The following YME1L1 variants were observed in gnomAD, a reference collection of about 807,000 sequenced individuals.
YME1L1 encodes the protein YME1 like 1 ATPase.
A neutral mutation model predicts 90.4 loss-of-function variants in YME1L1; 39 were observed. The observed-to-expected ratio is 0.43, with a 90% CI of 0.33 to 0.56. YME1L1 has a LOEUF of 0.56. Ranked by LOEUF, YME1L1 falls within the 20% of genes least tolerant of loss-of-function variation. The pLI is 0.03. For missense variants in YME1L1, 617 were observed against 868.4 expected, an observed-to-expected ratio of 0.71 and a Z score of 3.64; for synonymous variants, 284 against 287.3, an observed-to-expected ratio of 0.99 and a Z score of 0.12.
rs569429387 is a variant in YME1L1, at chr10:27,144,372, A to G, written c.331+1056T>C. ...TTTTTATGCCCTTACACTGAAATAA[A>G]GGCAAAGGAAGGGTCAAGAATTAAT... On this transcript the variant is annotated intron_variant, in intron 3 of 18. Coordinates refer to ENST00000376016, the MANE Select transcript of YME1L1 (RefSeq NM_014263.4). Among the ~76,000 whole-genome samples the G allele has an allele frequency of 2.6e-5, 4 of 152,314 alleles. No individual in the cohort carries two copies. In the East Asian group the frequency reaches 7.7e-4, roughly 29 times the overall value.
At chr10:27,113,708 A>C (rs1342353486) in intron 18 of YME1L1, among the ~76,000 whole-genome samples, 1 of 151,284 alleles carries the variant, frequency 6.6e-6, no homozygotes, top group East Asian at 1.9e-4. Flanking sequence ...AAAACAAAAA[A>C]CTGAAATCAT....
chr10:27,133,520 A>G (rs1044474171), intron 7 of YME1L1, among the ~76,000 whole-genome samples: 3 of 152,224 alleles, frequency 2.0e-5, no homozygotes, highest in African/African-American at 7.2e-5. Flanking sequence ...TAGTAATTCT[A>G]GAATGAACAC....
In YME1L1 at chr10:27,154,141, G is replaced by C. The variant is rs780875498; in HGVS notation, c.33+37C>G. Reference sequence around the variant, plus strand: ...CAATTTGCAAACAGCCACGGGCAGGGCGGGAGGAAAAAAAATGGGCTGAAT... The same window carrying C: ...CAATTTGCAAACAGCCACGGGCAGGCCGGGAGGAAAAAAAATGGGCTGAAT... On this transcript the variant is annotated intron_variant, in intron 1 of 18. Transcript: ENST00000376016. 3.2e-6 allele frequency: 5 copies of C among 1,570,212 alleles called. No homozygotes were observed. The African/African-American group carries it at 5.4e-5, about 17-fold the overall frequency.
intron 9 of YME1L1, 25 bp from the exon 10 acceptor site, chr10:27,123,724 G>A (rs377501521): frequency 3.2e-6 from 5 of 1,565,010 alleles, no homozygotes; most frequent in Middle Eastern, 1.7e-4. Flanking sequence ...AAACGAGAAT[G>A]ATTCAAAGTA....
chr10:27,135,626 T>C (rs1419295097), intron 5 of YME1L1, among the ~76,000 whole-genome samples: 1 of 152,090 alleles, frequency 6.6e-6, no homozygotes, highest in African/African-American at 2.4e-5. Context: ...CAATCTTATA[T>C]AAGACTTCAA....
chr10:27,149,333 A>G (rs2057182259), intron 1 of YME1L1, among the ~76,000 whole-genome samples: 2 of 152,218 alleles, frequency 1.3e-5, no homozygotes, highest in Admixed American at 6.5e-5. Context: ...GTACTTGCAC[A>G]TGCATAGAGA....
At chr10:27,139,014 T>C (rs1006440635) in intron 4 of YME1L1, among the ~76,000 whole-genome samples, 6 of 152,170 alleles carry the variant, frequency 3.9e-5, no homozygotes, top group Non-Finnish European at 7.3e-5. Context: ...ATATGATAAA[T>C]TGACTTACTA....
chr10:27,134,550 A>C (rs1333252963), intron 6 of YME1L1, among the ~76,000 whole-genome samples: 1 of 152,262 alleles, frequency 6.6e-6, no homozygotes, highest in African/African-American at 2.4e-5. Context: ...ACTCTGGCTT[A>C]GGCAATGAAG....
chr10:27,147,366 A>G (rs3780926), intron 2 of YME1L1: 2 of 1,490,572 alleles, frequency 1.3e-6, no homozygotes, highest in African/African-American at 2.8e-5. Context: ...ACAAACAAAG[A>G]AACTAGACTG....
chr10:27,119,588 C>G (rs1053917971), intron 13 of YME1L1, 139 bp from the exon 14 acceptor site: 5 of 843,686 alleles, frequency 5.9e-6, no homozygotes, highest in Non-Finnish European at 6.9e-6. Context: ...GCAGGCAGAT[C>G]ACCTAAGGAC....
intron 4 of YME1L1, among the ~76,000 whole-genome samples, chr10:27,140,254 C>T (rs1173741504): frequency 6.6e-6 from 1 of 152,174 alleles, no homozygotes; most frequent in African/African-American, 2.4e-5. Context: ...ATCCACCTGA[C>T]TCAGCCTCCC....
At chr10:27,153,556 A>G (rs569876425) in intron 1 of YME1L1, among the ~76,000 whole-genome samples, 1 of 152,238 alleles carries the variant, frequency 6.6e-6, no homozygotes, top group Non-Finnish European at 1.5e-5. Flanking sequence ...AAACCCTTGA[A>G]ATCATTTTTC....
At chr10:27,140,146 T>A (rs1004837496) in intron 4 of YME1L1, among the ~76,000 whole-genome samples, 1 of 151,634 alleles carries the variant, frequency 6.6e-6, no homozygotes, top group Non-Finnish European at 1.5e-5. Flanking sequence ...ATTACAGGCA[T>A]GTGCCACCAC....
intron 3 of YME1L1, among the ~76,000 whole-genome samples, chr10:27,144,874 G>A (rs976136440): frequency 8.5e-5 from 13 of 152,178 alleles, no homozygotes; most frequent in African/African-American, 2.4e-4. Context: ...CTGCACGGTG[G>A]CTCACGCCTA....
chr10:27,114,405 T>A (rs2056790704), intron 18 of YME1L1, 116 bp downstream of exon 18: 3 of 741,602 alleles, frequency 4.0e-6, no homozygotes, highest in Non-Finnish European at 6.4e-6. Flanking sequence ...ATTATCTTTA[T>A]TTTATAAAAT....
rs1001538052 is a variant in YME1L1 at position 27,142,905 on chromosome 10, C to T, written c.332-420G>A. On this transcript the variant is annotated intron_variant, in intron 3 of 18. Coordinates refer to ENST00000376016, the MANE Select transcript of YME1L1 (RefSeq NM_014263.4). ...TAATTTTTTGTATTTTTAGTAGAGA[C>T]GGGGTTTCACTGTGTTAGCCAGGAT... Among the ~76,000 whole-genome samples, 9 of 151,896 alleles carry T rather than the reference C, an allele frequency of 5.9e-5. No individual in the cohort carries two copies. In the South Asian group the frequency reaches 1.0e-3, roughly 18 times the overall value.
At chr10:27,137,068 C>A (rs1227155071) in intron 4 of YME1L1, among the ~76,000 whole-genome samples, 1 of 148,066 alleles carries the variant, frequency 6.8e-6, no homozygotes, top group African/African-American at 2.5e-5. Flanking sequence ...TAGATTGAAT[C>A]TACACAACTG....
chr10:27,135,501 A>C (rs1303030628), intron 5 of YME1L1, among the ~76,000 whole-genome samples: 1 of 152,206 alleles, frequency 6.6e-6, no homozygotes, highest in Non-Finnish European at 1.5e-5. Flanking sequence ...ATGCTACCTC[A>C]GGAATATGGA....
intron 2 of YME1L1, chr10:27,147,404 T>G (rs763105167): frequency 6.0e-5 from 96 of 1,601,708 alleles, no homozygotes; most frequent in Non-Finnish European, 8.0e-5. Flanking sequence ...ATGGAACAAG[T>G]GAAAGATGGC....
Sources: allele counts gnomAD v4.1 joint callset (sites outside exome capture counted in the v4.1 genomes callset), GRCh38; gene constraint gnomAD v4.1.1; transcripts MANE v1.5; gene names NCBI Gene and HGNC (gene_info 2026-07-23, HGNC 2026-07-21).